ZNF875: variants seen among roughly 807,000 people sequenced by gnomAD.
ZNF875 encodes HKR1, GLI-Kruppel zinc finger family member.
Under a neutral mutation model 11.2 loss-of-function variants are expected in ZNF875, and 14 were observed. The observed-to-expected ratio is 1.26, with a 90% CI of 0.83 to 1.96. The LOEUF is 1.96. Among genes scored for constraint, ZNF875 ranks in the 30% most tolerant of loss-of-function variants. The pLI is 0.00. For missense variants in ZNF875, 752 were observed against 760.4 expected (o/e 0.99, Z 0.13); for synonymous variants, 301 against 281.1 (o/e 1.07, Z -0.71).
At chr19:37,341,357 C>T (rs779902176) in intron 2 of ZNF875, among the ~76,000 whole-genome samples, 1 of 152,144 alleles carries the variant, frequency 6.6e-6, no homozygotes, top group African/African-American at 2.4e-5. Flanking sequence ...TTGCTGCAGT[C>T]GGCTGGCATT....
chr19:37,324,917 G>C (rs2032158442), intron 4 of ZNF875: 2 of 152,514 alleles, frequency 1.3e-5, no homozygotes, highest in South Asian at 4.1e-4. Context: ...TGGGACTACA[G>C]GCTCATGCTA....
chr19:37,331,903 C>T (rs1488306385), upstream of ZNF875, among the ~76,000 whole-genome samples: 9 of 132,680 alleles, frequency 6.8e-5, no homozygotes. Flanking sequence ...GCATCTGTCT[C>T]CTGCCCGTCC....
At position 37,363,536 on chromosome 19, in the gene ZNF875, TG is replaced by T; in HGVS notation, c.1685del (p.Cys562SerfsTer12). ...HKRAHSGAFV[C>X]RECGQGFCAK... ...GAGGGCACACTCAGGTGCCTTTGTG[TG>T]CAGGGAGTGTGGGCAAGGCTTTTGT... On this transcript the variant is annotated frameshift_variant, in exon 5 of 5. Coordinates refer to ENST00000392153, the MANE Select transcript of ZNF875 (RefSeq NM_001353803.2). LOFTEE classifies it low-confidence loss of function (END_TRUNC). 1 of 1,613,462 alleles carries T rather than the reference TG, an allele frequency of 6.2e-7. No homozygotes were observed. Among genetic ancestry groups the T allele is most frequent in the Middle Eastern group, 1.7e-4 (1 of 6,054 alleles).
chr19:37,360,344 G>A (rs1408273458), intron 4 of ZNF875, among the ~76,000 whole-genome samples: 1 of 152,180 alleles, frequency 6.6e-6, no homozygotes, highest in African/African-American at 2.4e-5. Flanking sequence ...AAGTTTTGAA[G>A]TTAGAAGTAT....
chr19:37,336,976 G>A (rs182060394), intron 2 of ZNF875, among the ~76,000 whole-genome samples: 2 of 152,236 alleles, frequency 1.3e-5, no homozygotes, highest in East Asian at 3.9e-4. Flanking sequence ...AGAACAAGGA[G>A]AATTTCGATA....
chr19:37,363,601 AG>A lies in ZNF875; in HGVS notation c.1755del (p.Lys586SerfsTer91), dbSNP rs775240804. 1 of 1,613,202 alleles carries A rather than the reference AG, an allele frequency of 6.2e-7. No homozygotes were observed. Among genetic ancestry groups the A allele is most frequent in the South Asian group, 1.1e-5 (1 of 90,994 alleles). ...TCATTAAACACCAGAGAGCACACGCAGGGGGGAAGCCTCATGTGTGCAGGGA... is the reference window on the plus strand; with the variant it reads ...TCATTAAACACCAGAGAGCACACGCAGGGGGAAGCCTCATGTGTGCAGGGA... ...TLIKHQRAHA[G>X]GKPHVCRECG... On this transcript the variant is annotated frameshift_variant, in exon 5 of 5. Coordinates refer to ENST00000392153, the MANE Select transcript of ZNF875 (RefSeq NM_001353803.2). LOFTEE classifies it low-confidence loss of function (END_TRUNC).
upstream of ZNF875, among the ~76,000 whole-genome samples, chr19:37,333,865 C>T (rs540110979): frequency 6.6e-5 from 10 of 152,110 alleles, no homozygotes; most frequent in African/African-American, 2.4e-4. Flanking sequence ...AGAAAACACC[C>T]CTGTTGAACA....
chr19:37,340,440 C>T (rs1163207324), intron 2 of ZNF875, among the ~76,000 whole-genome samples: 1 of 152,080 alleles, frequency 6.6e-6, no homozygotes, highest in African/African-American at 2.4e-5. Context: ...CCTTTGCCAC[C>T]CACTACATGT....
intron 1 of ZNF875, among the ~76,000 whole-genome samples, chr19:37,321,403 A>C (rs2031413216): frequency 6.6e-6 from 1 of 152,116 alleles, no homozygotes. Context: ...CTTGTTTATG[A>C]CACAGAGATA....
chr19:37,332,217 A>G (rs1286773081), upstream of ZNF875, among the ~76,000 whole-genome samples: 2 of 148,968 alleles, frequency 1.3e-5, no homozygotes, highest in African/African-American at 5.0e-5. Flanking sequence ...AAGGGAACTC[A>G]GAGGCTGGCG....
chr19:37,329,957 A>C (rs1448353976), upstream of ZNF875, among the ~76,000 whole-genome samples: 1 of 152,080 alleles, frequency 6.6e-6, no homozygotes. Context: ...CGTGGATTTA[A>C]ATGCTGTGTC....
In ZNF875 at chr19:37,363,345, G is replaced by C. The variant is rs776575992; in HGVS notation, c.1493G>C (p.Arg498Thr). The change falls in exon 5 of 5, where the codon AGG becomes ACG. Residue 498 changes from arginine (R) to threonine (T), a missense_variant. By Grantham distance (71) the Arg-to-Thr change is moderately conservative. Transcript: ENST00000392153. ...TRKSTLSTHQ[R>T]THSGEKPFVC... ...AAATCAACCCTGAGCACGCACCAGA[G>C]GACACACTCAGGGGAGAAGCCATTT... 59 of 1,610,950 alleles carry C rather than the reference G, an allele frequency of 3.7e-5. No individual in the cohort carries two copies. The highest frequency in any genetic ancestry group is 4.9e-5 in the Non-Finnish European group (58 of 1,177,964).
intron 2 of ZNF875, chr19:37,345,065 A>G (rs370244533): frequency 6.6e-6 from 2 of 301,988 alleles, no homozygotes; most frequent in Non-Finnish European, 6.5e-6. Context: ...CCTCAATCCT[A>G]CAGTGACCTC....
chr19:37,363,158 A>G lies in ZNF875; in HGVS notation c.1306A>G (p.Asn436Asp), dbSNP rs1425387636. The G allele has an allele frequency of 2.5e-6, 4 of 1,613,894 alleles. No individual in the cohort carries two copies. The highest frequency in any genetic ancestry group is 8.5e-7 in the Non-Finnish European group (1 of 1,179,956). ...TGGGCGTCACTTTAGCTGGAAATCA[A>G]ACCTCAAAACACACCAGAGGACACA... is the stretch of plus-strand genomic sequence containing the variant. ...ECGRHFSWKSNLKTHQRTHSG... is the reference protein window; with the variant it reads ...ECGRHFSWKSDLKTHQRTHSG... The change falls in exon 5 of 5, where the codon AAC (asparagine) becomes GAC (aspartate). Residue 436 changes from asparagine (N) to aspartate (D), a missense_variant. Physicochemically the swap from Asn to Asp is conservative, Grantham distance 23 (BLOSUM62 1). Transcript: ENST00000392153.
In ZNF875 at chr19:37,362,936, G is replaced by T. The variant is rs1311769983; in HGVS notation, c.1084G>T (p.Gly362Trp). 6.2e-7 allele frequency: 1 copy of T among 1,614,196 alleles called. No individual in the cohort carries two copies. ...NLITHQRAHT[G>W]EKPYVCRECG... The stretch of plus-strand genomic sequence containing the variant: ...CATTACCCACCAGAGGGCGCACACT[G>T]GGGAGAAGCCTTATGTTTGCAGGGA... Residue 362 changes from glycine to tryptophan, a missense_variant, in exon 5 of 5, where the codon GGG (glycine) becomes TGG (tryptophan). Transcript: ENST00000392153.
chr19:37,347,133 A>C, intron 2 of ZNF875, 57 bp from the exon 3 acceptor site: 1 of 1,611,260 alleles, frequency 6.2e-7, no homozygotes, highest in Non-Finnish European at 8.5e-7. Context: ...TCTCATTCTA[A>C]AGTGTGGGAG....
intron 4 of ZNF875, among the ~76,000 whole-genome samples, chr19:37,354,210 G>A (rs957526508): frequency 2.4e-5 from 3 of 127,336 alleles, no homozygotes; most frequent in African/African-American, 9.2e-5. Context: ...AATTTCAGTT[G>A]TTTTTTTCTT....
At chr19:37,343,377 A>G (rs1337813447) in intron 2 of ZNF875, among the ~76,000 whole-genome samples, 1 of 151,918 alleles carries the variant, frequency 6.6e-6, no homozygotes, top group Non-Finnish European at 1.5e-5. Context: ...AACCAAAAAA[A>G]AAAAAAAACC....
intron 2 of ZNF875, among the ~76,000 whole-genome samples, chr19:37,339,466 A>G (rs1465906073): frequency 6.6e-6 from 1 of 152,110 alleles, no homozygotes; most frequent in Admixed American, 6.6e-5. Context: ...ATTCTCATAC[A>G]AAATATGACA....
Sources: allele counts gnomAD v4.1 joint callset (sites outside exome capture counted in the v4.1 genomes callset), GRCh38; gene constraint gnomAD v4.1.1; transcripts MANE v1.5; gene names NCBI Gene and HGNC (gene_info 2026-07-23, HGNC 2026-07-21).